Variants in AACS observed in about 807,000 individuals in gnomAD.
The protein encoded by AACS is acetoacetate-CoA ligase.
AACS carries 69 observed loss-of-function variants against 83.1 expected under a neutral mutation model. The observed-to-expected ratio is 0.83, with a 90% CI of 0.68 to 1.01. The LOEUF is 1.01. Ranked by LOEUF, AACS falls within the 50% of genes least tolerant of loss-of-function variation. The pLI is 0.00. For missense variants in AACS, 866 were observed against 882.2 expected, an observed-to-expected ratio of 0.98 and a Z score of 0.23; for synonymous variants, 333 against 343.4, an observed-to-expected ratio of 0.97 and a Z score of 0.33.
chr12:125,098,746 T>G (rs1054956050), intron 5 of AACS, among the ~76,000 whole-genome samples: 1 of 152,254 alleles, frequency 6.6e-6, no homozygotes, highest in Non-Finnish European at 1.5e-5. Context: ...CCACCGCTCC[T>G]GGCCCTCATT....
chr12:125,138,744 G>A (rs1957435183), intron 17 of AACS: 1 of 152,136 alleles, frequency 6.6e-6, no homozygotes, highest in Non-Finnish European at 1.5e-5. Context: ...GGGTGCATTC[G>A]GGAAGTTATT....
Position 125,097,987 on chromosome 12 carries a change from G to A in AACS, c.571-4692G>A, listed in dbSNP as rs1400531426. ...GTGCCGTCGTAGTAGCTTCCGACCAGTCTCATTTCTGCTTCTCTCTACTGT... is the reference window on the plus strand; with the variant it reads ...GTGCCGTCGTAGTAGCTTCCGACCAATCTCATTTCTGCTTCTCTCTACTGT... On this transcript the variant is annotated intron_variant, in intron 5 of 17. Transcript: ENST00000316519. The surrounding 1 kb of genome is among the most constrained non-coding windows in gnomAD (Gnocchi z 4.3). Among the ~76,000 whole-genome samples, 2 of 152,160 alleles carry A rather than the reference G, an allele frequency of 1.3e-5. No homozygotes were observed. The highest frequency in any genetic ancestry group is 4.8e-5 in the African/African-American group (2 of 41,422).
chr12:125,140,139 G>C lies in AACS; in HGVS notation c.1882-1953G>C, dbSNP rs1398740758. On this transcript the variant is annotated intron_variant, in intron 17 of 17. Coordinates refer to ENST00000316519, the MANE Select transcript of AACS (RefSeq NM_023928.5). This position sits in a 1 kb window ranked among gnomAD's most constrained non-coding sequence, Gnocchi z 5.1. ...GAGGGCTTCCCGACTGCAGCCCTCAGGCAGCCATGGCTGTCCCAAGTCCAG... is the reference window on the plus strand; with the variant it reads ...GAGGGCTTCCCGACTGCAGCCCTCACGCAGCCATGGCTGTCCCAAGTCCAG... 6.6e-6 allele frequency: 1 copy of C among 152,256 alleles called. No homozygotes were observed. The highest frequency in any genetic ancestry group is 2.4e-5 in the African/African-American group (1 of 41,448). The allele number at this position is 152,256 out of a possible 1,614,324, so 9.4% of individuals were successfully genotyped here.
At chr12:125,116,878 TC>T (rs1246299515) in intron 9 of AACS, among the ~76,000 whole-genome samples, 1 of 94,186 alleles carries the variant, frequency 1.1e-5, no homozygotes. Flanking sequence ...TTCCTTTCCC[TC>T]CCTTCCCCTC....
At chr12:125,072,172 T>A (rs1360029649) in intron 1 of AACS, among the ~76,000 whole-genome samples, 2 of 150,948 alleles carry the variant, frequency 1.3e-5, no homozygotes, top group East Asian at 1.9e-4. Flanking sequence ...TTTTTTTTTT[T>A]AAATGGGGTC....
chr12:125,124,741 A>G lies in AACS; in HGVS notation c.1158A>G (p.Ser386=). 2.5e-6 allele frequency: 4 copies of G among 1,614,180 alleles called. No individual in the cohort carries two copies. Among genetic ancestry groups the G allele is most frequent in the Middle Eastern group, 1.7e-4 (1 of 6,042 alleles). The change falls in exon 11 of 18, where the codon TCA becomes TCG. Residue 386 remains serine (S), a synonymous_variant. Coordinates refer to ENST00000316519, the MANE Select transcript of AACS (RefSeq NM_023928.5). The part of the protein sequence containing the change: ...TVLVTGAKWL[S]VLEEKAMKPV... Reference sequence around the variant, plus strand: ...TGGTAACTGGGGCCAAGTGGCTGTCAGTGCTGGAAGAGAAGGCCATGAAGC... The same window carrying G: ...TGGTAACTGGGGCCAAGTGGCTGTCGGTGCTGGAAGAGAAGGCCATGAAGC...
At chr12:125,103,400 C>T (rs911364798) in intron 7 of AACS, among the ~76,000 whole-genome samples, 4 of 152,222 alleles carry the variant, frequency 2.6e-5, no homozygotes, top group Non-Finnish European at 5.9e-5. Context: ...CATTGGAAAT[C>T]ATGTTTACAT....
chr12:125,076,320 C>G (rs1240467840), intron 2 of AACS, among the ~76,000 whole-genome samples, 171 bp from the exon 3 acceptor site: 2 of 152,160 alleles, frequency 1.3e-5, no homozygotes, highest in African/African-American at 4.8e-5. Flanking sequence ...GCTTTTAGGC[C>G]AGTTCAGAGT....
chr12:125,090,211 C>CCATACATT lies in AACS; in HGVS notation c.473-1212_473-1211insACATTCAT, dbSNP rs139748697. Among the ~76,000 whole-genome samples the CCATACATT allele has an allele frequency of 1.0e-4, 2 of 19,604 alleles. 1 individual carries two copies. The highest frequency in any genetic ancestry group is 1.1e-3 in the Admixed American group (2 of 1,902). 12.9% of individuals were successfully genotyped at this position (19,604 alleles called of 152,430 possible). On this transcript the variant is annotated intron_variant, in intron 4 of 17. Transcript: ENST00000316519. ...CTCCATCTACCCATTTACCCATTAT[C>CCATACATT]CATCTATCCATCCATTTATTATGCT... is the stretch of plus-strand genomic sequence containing the variant.
intron 7 of AACS, among the ~76,000 whole-genome samples, chr12:125,104,340 T>G (rs1956788437): frequency 6.6e-6 from 1 of 152,216 alleles, no homozygotes; most frequent in Admixed American, 6.5e-5. Context: ...GAGCCCTTTT[T>G]GTTCCAGCAA....
intron 12 of AACS, chr12:125,125,605 T>G (rs1337178035): frequency 1.3e-5 from 2 of 152,554 alleles, no homozygotes; most frequent in Non-Finnish European, 2.9e-5. Flanking sequence ...TTTTAGTGAG[T>G]AGGCAAATTC....
intron 3 of AACS, among the ~76,000 whole-genome samples, chr12:125,080,937 C>G (rs958998677): frequency 6.6e-6 from 1 of 151,924 alleles, no homozygotes. Flanking sequence ...GTGATCCACC[C>G]GCCTTGGCCT....
chr12:125,091,632 C>T (rs978432718), intron 5 of AACS, 109 bp downstream of exon 5: 26 of 1,140,980 alleles, frequency 2.3e-5, no homozygotes, highest in African/African-American at 3.1e-5. Context: ...GTGAGCCCAG[C>T]GGGAGGAGGT....
chr12:125,115,348 C>T (rs534737214), intron 9 of AACS, among the ~76,000 whole-genome samples: 38 of 151,824 alleles, frequency 2.5e-4, no homozygotes, highest in African/African-American at 9.2e-4. Flanking sequence ...GCAACCTCCA[C>T]CTCTTGGGTT....
rs552895301 is a variant in AACS, at chr12:125,112,638, C to T, written c.916-1839C>T. ...GAGGTTGCAGTGAGCCGAGATCACA[C>T]CACTGCGCTCCAGCCTGGTGACAGA... On this transcript the variant is annotated intron_variant, in intron 8 of 17. Coordinates refer to ENST00000316519, the MANE Select transcript of AACS (RefSeq NM_023928.5). Among the ~76,000 whole-genome samples the T allele has an allele frequency of 2.7e-5, 4 of 147,742 alleles. No homozygotes were observed. The East Asian group carries it at 5.9e-4, about 22-fold the overall frequency.
chr12:125,099,953 G>A (rs1263751112), intron 5 of AACS, among the ~76,000 whole-genome samples: 2 of 152,218 alleles, frequency 1.3e-5, no homozygotes, highest in Non-Finnish European at 2.9e-5. Flanking sequence ...TGGGATTACA[G>A]GCGTGAGCCA....
At chr12:125,071,154 G>A (rs1955851295) in intron 1 of AACS, among the ~76,000 whole-genome samples, 2 of 152,186 alleles carry the variant, frequency 1.3e-5, no homozygotes, top group Admixed American at 6.5e-5. Flanking sequence ...GCAAGGTAGT[G>A]CAGGAGACAT....
chr12:125,127,896 A>G (rs981260410), intron 12 of AACS: 2 of 305,936 alleles, frequency 6.5e-6, no homozygotes, highest in African/African-American at 4.3e-5. Context: ...CAGCATGACC[A>G]CAGGAGGTCA....
At chr12:125,090,057 CTCA>C (rs1956432766) in intron 4 of AACS, among the ~76,000 whole-genome samples, 1 of 12,628 alleles carries the variant, frequency 7.9e-5, no homozygotes, top group African/African-American at 2.9e-4. Flanking sequence ...CCATCCATCC[CTCA>C]TCCATCTATC....
Sources: allele counts gnomAD v4.1 joint callset (sites outside exome capture counted in the v4.1 genomes callset), GRCh38; gene constraint gnomAD v4.1.1; non-coding constraint Gnocchi (gnomAD v3.1); transcripts MANE v1.5; gene names NCBI Gene and HGNC (gene_info 2026-07-23, HGNC 2026-07-21).